SULF2: variants seen among roughly 807,000 people sequenced by gnomAD.
SULF2 encodes the protein extracellular sulfatase Sulf-2.
In SULF2, 52 loss-of-function variants were observed where a neutral mutation model predicts 107.7. The observed-to-expected ratio is 0.48, with a 90% CI of 0.39 to 0.61. The LOEUF (loss-of-function observed/expected upper bound fraction) is 0.61, where lower values mean the gene tolerates loss of function less well. Among genes scored for constraint, SULF2 ranks in the 20% least tolerant of loss-of-function variants. The pLI is 0.00. For missense variants in SULF2, 993 were observed against 1,177.3 expected, an observed-to-expected ratio of 0.84 and a Z score of 2.29; for synonymous variants, 460 against 464.3, an observed-to-expected ratio of 0.99 and a Z score of 0.12.
At chr20:47,714,075 G>A (rs145708829) in intron 3 of SULF2, among the ~76,000 whole-genome samples, 1 of 152,202 alleles carries the variant, frequency 6.6e-6, no homozygotes, top group Non-Finnish European at 1.5e-5. Flanking sequence ...AATTCAGAGA[G>A]GTCGGCGAAA....
intron 1 of SULF2, among the ~76,000 whole-genome samples, chr20:47,765,178 C>T (rs1484998675): frequency 6.6e-6 from 1 of 151,764 alleles, no homozygotes; most frequent in East Asian, 1.9e-4. Context: ...GGTGAAACCC[C>T]GTCTCTACTA....
intron 14 of SULF2, 140 bp downstream of exon 14, chr20:47,665,059 T>C: frequency 1.4e-6 from 1 of 701,950 alleles, no homozygotes; most frequent in Non-Finnish European, 2.6e-6. Context: ...GGGAGGTAAA[T>C]TACGGATTTT....
At chr20:47,661,982 G>T (rs2087091925) in intron 17 of SULF2, 86 bp from the exon 18 acceptor site, 5 of 1,332,030 alleles carry the variant, frequency 3.8e-6, no homozygotes, top group Admixed American at 2.6e-5. Context: ...CATATTTCAG[G>T]CAGGTGGCGG....
At chr20:47,771,710 C>T (rs7271548) in intron 1 of SULF2, among the ~76,000 whole-genome samples, 49,067 of 146,092 alleles carry the variant, frequency 0.34, 8,973 homozygotes, top group East Asian at 0.86. Context: ...CAGGATGGGG[C>T]GGGGGCGGGG....
intron 3 of SULF2, among the ~76,000 whole-genome samples, chr20:47,727,817 C>T (rs1258450778): frequency 1.3e-5 from 2 of 152,202 alleles, no homozygotes; most frequent in Admixed American, 6.5e-5. Flanking sequence ...GTCACAAGGG[C>T]GCTTAAGGCG....
intron 2 of SULF2, among the ~76,000 whole-genome samples, chr20:47,747,090 G>A (rs887415681): frequency 1.4e-5 from 2 of 143,988 alleles, no homozygotes; most frequent in East Asian, 4.0e-4. Context: ...GCTGCTGGTG[G>A]CAACTCTTGC....
intron 11 of SULF2, among the ~76,000 whole-genome samples, chr20:47,671,142 G>A (rs561094820): frequency 1.2e-4 from 19 of 152,232 alleles, no homozygotes; most frequent in South Asian, 4.2e-4. Context: ...CTTCTGGCTG[G>A]GTCTAGAAGA....
At chr20:47,743,518 C>T (rs1011280468) in intron 2 of SULF2, among the ~76,000 whole-genome samples, 3 of 152,194 alleles carry the variant, frequency 2.0e-5, no homozygotes, top group Non-Finnish European at 2.9e-5. Context: ...CCACGTTGCC[C>T]GGGCTGGTCT....
chr20:47,703,244 T>C (rs1568835835), intron 3 of SULF2, among the ~76,000 whole-genome samples: 1 of 152,176 alleles, frequency 6.6e-6, no homozygotes, highest in Non-Finnish European at 1.5e-5. Context: ...TCAGAATAGT[T>C]ATGAGTGAAA....
At chr20:47,724,763 G>A (rs1464969307) in intron 3 of SULF2, among the ~76,000 whole-genome samples, 5 of 152,180 alleles carry the variant, frequency 3.3e-5, no homozygotes, top group African/African-American at 7.2e-5. Flanking sequence ...AACAAGGCCT[G>A]TCACTCAATG....
At chr20:47,719,655 T>A (rs930778689) in intron 3 of SULF2, among the ~76,000 whole-genome samples, 2 of 152,218 alleles carry the variant, frequency 1.3e-5, no homozygotes, top group Admixed American at 6.5e-5. Context: ...CCTGGGGGTA[T>A]CTGTGGCACA....
rs552116948 is a variant in SULF2, at chr20:47,672,602, G to A, written c.1381-209C>T. The A allele has an allele frequency of 1.6e-5, 15 of 949,768 alleles. No individual in the cohort carries two copies. The East Asian group carries it at 1.6e-3, about 103-fold the overall frequency. 58.8% of individuals were successfully genotyped at this position (949,768 alleles called of 1,614,324 possible). On this transcript the variant is annotated intron_variant, in intron 10 of 20. Coordinates refer to ENST00000688720, the MANE Select transcript of SULF2 (RefSeq NM_001387048.1). ...AGCTACCATCATCCCCCAGCGAGAT[G>A]CCTCCGACAGCCACCACTCTCACGG...
intron 2 of SULF2, among the ~76,000 whole-genome samples, chr20:47,747,915 C>T (rs2090080622): frequency 6.6e-6 from 1 of 152,190 alleles, no homozygotes; most frequent in East Asian, 1.9e-4. Context: ...CCACCCACCT[C>T]TCTCGCTCTG....
At chr20:47,738,179 G>A (rs6122609) in intron 2 of SULF2, among the ~76,000 whole-genome samples, 16,303 of 152,280 alleles carry the variant, frequency 0.11, 934 homozygotes, top group East Asian at 0.2. Context: ...GGAGGGCAAA[G>A]GCTGTGTGCT....
At chr20:47,774,518 C>T (rs1023471310) in intron 1 of SULF2, among the ~76,000 whole-genome samples, 4 of 152,130 alleles carry the variant, frequency 2.6e-5, no homozygotes, top group South Asian at 2.1e-4. Flanking sequence ...GACTTTGCCC[C>T]GTAAAGTGGA....
chr20:47,739,078 A>G (rs1297738447), intron 2 of SULF2, among the ~76,000 whole-genome samples: 2 of 152,160 alleles, frequency 1.3e-5, no homozygotes, highest in African/African-American at 4.8e-5. Flanking sequence ...AGAGGCAAGG[A>G]AGGGCTCTCC....
intron 3 of SULF2, among the ~76,000 whole-genome samples, chr20:47,723,062 G>A (rs149234877): frequency 1.7e-4 from 26 of 151,662 alleles, no homozygotes; most frequent in Admixed American, 3.9e-4. Flanking sequence ...GCAAGACTCC[G>A]TCTCAAAAAA....
At chr20:47,661,970 G>A in intron 17 of SULF2, 74 bp from the exon 18 acceptor site, 1 of 1,363,018 alleles carries the variant, frequency 7.3e-7, no homozygotes. Flanking sequence ...CCAACCAGGG[G>A]ACATATTTCA....
At chr20:47,726,555 C>A (rs763150675) in intron 3 of SULF2, among the ~76,000 whole-genome samples, 1 of 152,212 alleles carries the variant, frequency 6.6e-6, no homozygotes, top group Non-Finnish European at 1.5e-5. Context: ...TGGAAACATT[C>A]TCTATGTGCA....
Sources: gnomAD v4.1 joint callset for allele counts (sites outside exome capture counted in the v4.1 genomes callset) on GRCh38, gnomAD v4.1.1 for gene constraint, MANE v1.5 for transcripts, NCBI Gene and HGNC (gene_info 2026-07-23, HGNC 2026-07-21) for gene names.